Variants in KCP observed in about 807,000 individuals in gnomAD.
KCP encodes the protein kielin/chordin-like protein.
A neutral mutation model predicts 212.7 loss-of-function variants in KCP; 194 were observed. The ratio of observed to expected loss-of-function variants is 0.91; its 90% confidence interval spans 0.81 to 1.03. The LOEUF is 1.03. KCP is among the 50% of genes least tolerant of loss of function. The pLI, the probability that KCP is intolerant of heterozygous loss-of-function variation, is 0.00. For synonymous variants in KCP, 833 were observed against 865.3 expected (o/e 0.96, Z 0.65); for missense variants, 2,080 against 2,162.5 (o/e 0.96, Z 0.76).
Position 128,891,547 on chromosome 7 carries a change from G to C in KCP, c.1796-14C>G, listed in dbSNP as rs943460457. 7.1e-6 allele frequency: 11 copies of C among 1,545,744 alleles called. No individual in the cohort carries two copies. The highest frequency in any genetic ancestry group is 8.7e-6 in the Non-Finnish European group (10 of 1,143,602). ...CAAAGGCACAGCCTGGGGGAGGGAG[G>C]GGCTATAGCCTGGGAGAGGGCGACT... On this transcript the variant is annotated splice_polypyrimidine_tract_variant and intron_variant, in intron 17 of 39. Coordinates refer to ENST00000610776, the MANE Select transcript of KCP (RefSeq NM_001366122.1).
At chr7:128,886,047 G>A (rs1793626723) in intron 26 of KCP, among the ~76,000 whole-genome samples, 1 of 152,064 alleles carries the variant, frequency 6.6e-6, no homozygotes, top group African/African-American at 2.4e-5. Flanking sequence ...TGATGAATGG[G>A]GTGTGGTTAG....
intron 5 of KCP, 78 bp downstream of exon 5, chr7:128,906,201 C>T: frequency 8.0e-7 from 1 of 1,243,218 alleles, no homozygotes; most frequent in South Asian, 1.3e-5. Context: ...ATGTCCCAGA[C>T]TCACTGAGGT....
intron 16 of KCP, among the ~76,000 whole-genome samples, chr7:128,892,248 C>A (rs1397620883): frequency 1.4e-4 from 5 of 36,130 alleles, no homozygotes; most frequent in African/African-American, 4.7e-4. Context: ...GGGGCCCTAG[C>A]GTGGTGGGGC....
intron 8 of KCP, among the ~76,000 whole-genome samples, chr7:128,896,480 T>G (rs926979298): frequency 4.6e-5 from 7 of 152,186 alleles, no homozygotes; most frequent in Admixed American, 4.6e-4. Flanking sequence ...TAATCTGCCT[T>G]GTACTCTTTG....
In KCP at chr7:128,894,118, A is replaced by C. The variant is rs980431724; in HGVS notation, c.926-63T>G. Reference sequence around the variant, plus strand: ...CCCTCCCCACCCTCTCCTGGCCTTCATGGGCCCCCGAGCAGGGCCACCCAT... The same window carrying C: ...CCCTCCCCACCCTCTCCTGGCCTTCCTGGGCCCCCGAGCAGGGCCACCCAT... On this transcript the variant is annotated intron_variant, in intron 9 of 39. Coordinates refer to ENST00000610776, the MANE Select transcript of KCP (RefSeq NM_001366122.1). The C allele has an allele frequency of 2.0e-6, 3 of 1,520,274 alleles. No homozygotes were observed. In the African/African-American group the frequency reaches 4.1e-5, roughly 21 times the overall value. 94.2% of individuals were successfully genotyped at this position (1,520,274 alleles called of 1,614,324 possible).
At chr7:128,897,614 TGATAA>T (rs1794606140) in intron 8 of KCP, among the ~76,000 whole-genome samples, 1 of 152,262 alleles carries the variant, frequency 6.6e-6, no homozygotes, top group African/African-American at 2.4e-5. Flanking sequence ...TAAAGATTAT[TGATAA>T]AATAAAAATA....
chr7:128,900,239 C>T (rs1390335399), intron 8 of KCP, among the ~76,000 whole-genome samples: 1 of 152,146 alleles, frequency 6.6e-6, no homozygotes, highest in Non-Finnish European at 1.5e-5. Context: ...CATGATTAGT[C>T]TTTAGTAAAA....
chr7:128,877,165 C>T lies in KCP; in HGVS notation c.4765G>A (p.Gly1589Ser). The T allele has an allele frequency of 6.7e-7, 1 of 1,494,148 alleles. No homozygotes were observed. Among genetic ancestry groups the T allele is most frequent in the Non-Finnish European group, 8.9e-7 (1 of 1,122,566 alleles). 92.6% of individuals were successfully genotyped at this position (1,494,148 alleles called of 1,614,324 possible). Reference sequence around the variant, plus strand: ...CAGTGGGCCTCATGCTCCACCAGGCCTGCAGGGCACTGGCAGCCGGGCACG... The same window carrying T: ...CAGTGGGCCTCATGCTCCACCAGGCTTGCAGGGCACTGGCAGCCGGGCACG... ...PCVPGCQCPAGLVEHEAHCIP... is the reference protein window; with the variant it reads ...PCVPGCQCPASLVEHEAHCIP... The change falls in exon 40 of 40, where the codon GGC (glycine) becomes AGC (serine). Residue 1589 changes from glycine (G) to serine (S), a missense_variant. Physicochemically the swap from Gly to Ser is moderately conservative, Grantham distance 56. Transcript: ENST00000610776.
intron 8 of KCP, among the ~76,000 whole-genome samples, chr7:128,898,973 C>T (rs1331423451): frequency 6.6e-6 from 1 of 152,120 alleles, no homozygotes; most frequent in East Asian, 1.9e-4. Context: ...TATAGTCAAA[C>T]TGATTAAGAA....
chr7:128,878,848 T>A, intron 37 of KCP, 126 bp from the exon 38 acceptor site: 2 of 955,514 alleles, frequency 2.1e-6, no homozygotes, highest in Non-Finnish European at 3.0e-6. Flanking sequence ...AATGGACAGG[T>A]GGAGGCTCCC....
At chr7:128,893,585 T>C (rs1794320727) in intron 11 of KCP, 109 bp from the exon 12 acceptor site, 2 of 1,019,238 alleles carry the variant, frequency 2.0e-6, no homozygotes, top group South Asian at 3.0e-5. Context: ...CCCAGCCGAG[T>C]TCTCCAGGGC....
chr7:128,878,827 T>A, intron 37 of KCP, 105 bp from the exon 38 acceptor site: 2 of 1,173,982 alleles, frequency 1.7e-6, no homozygotes, highest in Non-Finnish European at 2.3e-6. Context: ...GCCAGTGCTG[T>A]AGGGGAGGAG....
intron 22 of KCP, among the ~76,000 whole-genome samples, chr7:128,888,137 CACAGGGCCACACACACAT>C (rs1245720005): frequency 8.3e-5 from 12 of 144,080 alleles, no homozygotes; most frequent in Non-Finnish European, 1.4e-4. Context: ...CACACACACA[CACAGGGCCACACACACAT>C]ACACAGCCAC....
Position 128,888,913 on chromosome 7 carries a change from C to T in KCP, c.2462G>A (p.Gly821Asp), listed in dbSNP as rs966789679. The change falls in exon 22 of 40, where the codon GGC becomes GAC. Residue 821 changes from glycine to aspartate, a missense_variant. Gly to Asp is a moderately conservative substitution (Grantham distance 94, BLOSUM62 -1). Transcript: ENST00000610776. ...TCGRRPCEPPGCSHPLIPSGH... is the reference protein window; with the variant it reads ...TCGRRPCEPPDCSHPLIPSGH... ...AGAGGGGATGAGTGGGTGGCTGCAG[C>T]CCGGAGGCTCACAGGGCCGGCGGCC... The T allele has an allele frequency of 1.9e-6, 3 of 1,550,336 alleles. No individual in the cohort carries two copies. The highest frequency in any genetic ancestry group is 2.7e-5 in the African/African-American group (2 of 72,922).
chr7:128,877,840 T>TC, intron 38 of KCP, 50 bp from the exon 39 acceptor site: 5 of 1,482,226 alleles, frequency 3.4e-6, no homozygotes, highest in Non-Finnish European at 4.5e-6. Flanking sequence ...GCAGCTGGCC[T>TC]CTGCATGCCG....
At position 128,891,542 on chromosome 7, in the gene KCP, G is replaced by C; in HGVS notation, c.1796-9C>G. The stretch of plus-strand genomic sequence containing the variant: ...CCCGCCAAAGGCACAGCCTGGGGGA[G>C]GGAGGGGCTATAGCCTGGGAGAGGG... On this transcript the variant is annotated splice_polypyrimidine_tract_variant and intron_variant, in intron 17 of 39. Transcript: ENST00000610776. 6.5e-7 allele frequency: 1 copy of C among 1,546,792 alleles called. No individual in the cohort carries two copies. The highest frequency in any genetic ancestry group is 8.7e-7 in the Non-Finnish European group (1 of 1,144,290).
intron 10 of KCP, 24 bp from the exon 11 acceptor site, chr7:128,893,923 C>T (rs768058190): frequency 1.4e-5 from 21 of 1,550,358 alleles, no homozygotes; most frequent in African/African-American, 4.1e-5. Flanking sequence ...CTGGTCAGCA[C>T]GCCAGAGGCA....
intron 8 of KCP, among the ~76,000 whole-genome samples, chr7:128,902,541 T>C (rs974245748): frequency 6.6e-6 from 1 of 152,186 alleles, no homozygotes; most frequent in African/African-American, 2.4e-5. Flanking sequence ...CTCTAGCCTG[T>C]GAGCTCCTTG....
In KCP at chr7:128,891,462, A is replaced by T; in HGVS notation, c.1867T>A (p.Cys623Ser). The T allele has an allele frequency of 6.4e-7, 1 of 1,550,510 alleles. No homozygotes were observed. Among genetic ancestry groups the T allele is most frequent in the South Asian group, 1.2e-5 (1 of 84,050 alleles). ...AGGTGCAGACTCACCAGACAGCGAC[A>T]CAGACGGCAGGGGTCAGAGGGGTGG... ...FPHPSDPCRL[C>S]RCLSGNVQCL... The change falls in exon 18 of 40, where the codon TGT becomes AGT. Residue 623 changes from cysteine (C) to serine (S), a missense_variant. By Grantham distance (112) the Cys-to-Ser change is moderately radical. Transcript: ENST00000610776.
Sources: allele counts gnomAD v4.1 joint callset (sites outside exome capture counted in the v4.1 genomes callset), GRCh38; gene constraint gnomAD v4.1.1; transcripts MANE v1.5; gene names NCBI Gene and HGNC (gene_info 2026-07-23, HGNC 2026-07-21).